Variants in MLXIP observed in about 807,000 individuals in gnomAD.
MLXIP encodes MLX interacting protein, also known as MLX-interacting protein.
MLXIP carries 30 observed loss-of-function variants against 87.2 expected under a neutral mutation model. The ratio of observed to expected loss-of-function variants is 0.34; its 90% confidence interval spans 0.26 to 0.47. The LOEUF is 0.47. Among genes scored for constraint, MLXIP ranks in the 20% least tolerant of loss-of-function variants. The probability of loss-of-function intolerance (pLI) is 1.00; values close to 1 mark genes in which losing one functional copy is unlikely to be tolerated. For synonymous variants in MLXIP, 530 were observed against 514.0 expected, an observed-to-expected ratio of 1.03 and a Z score of -0.42; for missense variants, 1,002 against 1,240.1, an observed-to-expected ratio of 0.81 and a Z score of 2.88.
At chr12:122,129,556 G>T in intron 4 of MLXIP, 32 bp from the exon 5 acceptor site, 1 of 1,611,866 alleles carries the variant, frequency 6.2e-7, no homozygotes, top group Non-Finnish European at 8.5e-7. Flanking sequence ...AGGGCCATTG[G>T]TGACCGCCGT....
intron 1 of MLXIP, among the ~76,000 whole-genome samples, chr12:122,092,008 G>A (rs1952251812): frequency 1.3e-5 from 2 of 152,106 alleles, no homozygotes; most frequent in Non-Finnish European, 2.9e-5. Context: ...CGATGAAGGC[G>A]GTGTGCTGTT....
In MLXIP at chr12:122,135,436, C is replaced by G; in HGVS notation, c.1855-53C>G. ...CCCTCACCTGAGACGACTGGTGTGC[C>G]GCCCTGCTGTATATCAGCAGTCAGG... On this transcript the variant is annotated intron_variant, in intron 10 of 16. Coordinates refer to ENST00000319080, the MANE Select transcript of MLXIP (RefSeq NM_014938.6). The surrounding 1 kb of genome is among the most constrained non-coding windows in gnomAD (Gnocchi z 5.3). 1 of 1,605,130 alleles carries G rather than the reference C, an allele frequency of 6.2e-7. No individual in the cohort carries two copies. Among genetic ancestry groups the G allele is most frequent in the Admixed American group, 1.7e-5 (1 of 59,232 alleles).
At position 122,130,239 on chromosome 12, in the gene MLXIP, T is replaced by G. The variant is rs184156354; in HGVS notation, c.910+127T>G. The G allele has an allele frequency of 3.0e-3, 2,965 of 987,490 alleles. 21 individuals carry two copies. Among genetic ancestry groups the G allele is most frequent in the African/African-American group, 0.018 (1,080 of 60,968 alleles). The allele number at this position is 987,490 out of a possible 1,614,324, so 61.2% of individuals were successfully genotyped here. On this transcript the variant is annotated intron_variant, in intron 6 of 16. Coordinates refer to ENST00000319080, the MANE Select transcript of MLXIP (RefSeq NM_014938.6). The stretch of plus-strand genomic sequence containing the variant: ...GCACGTCACGGTTGGGGGCAGGCAG[T>G]AAGGAAGGGAAGGATGGCTGGCCTC...
intron 1 of MLXIP, among the ~76,000 whole-genome samples, chr12:122,083,168 G>T (rs1446708794): frequency 6.6e-6 from 1 of 152,102 alleles, no homozygotes; most frequent in African/African-American, 2.4e-5. Context: ...TTTGTGGTTG[G>T]TTTTGGTTCC....
chr12:122,113,445 T>C (rs1421669797), intron 1 of MLXIP, among the ~76,000 whole-genome samples: 3 of 152,000 alleles, frequency 2.0e-5, no homozygotes, highest in Admixed American at 2.0e-4. Context: ...TTTTTGTATC[T>C]TTTGTAGAGA....
intron 16 of MLXIP, among the ~76,000 whole-genome samples, chr12:122,141,340 G>A (rs1408582840): frequency 6.6e-6 from 1 of 152,216 alleles, no homozygotes; most frequent in Non-Finnish European, 1.5e-5. Context: ...CCCTGTATCA[G>A]GTGCCTTCAG....
chr12:122,145,839 C>T lies in MLXIP; in HGVS notation c.*4027C>T, dbSNP rs1953291537. 6.6e-6 allele frequency: 1 copy of T among 152,304 alleles called. No individual in the cohort carries two copies. Among genetic ancestry groups the T allele is most frequent in the Admixed American group, 6.5e-5 (1 of 15,268 alleles). 9.4% of individuals were successfully genotyped at this position (152,304 alleles called of 1,614,324 possible). A position where few individuals can be genotyped will look rare whatever the true frequency, so the allele number is the denominator to read the frequency against. On this transcript the variant is annotated 3_prime_UTR_variant, in exon 17 of 17. Transcript: ENST00000319080. ...ACCTTGCTTTGGTCCAGCTCTTTTC[C>T]TTACCCTGGCTCTGACGTGGGAAGG...
chr12:122,127,151 TG>T, intron 1 of MLXIP, 104 bp from the exon 2 acceptor site: 1 of 859,620 alleles, frequency 1.2e-6, no homozygotes, highest in Non-Finnish European at 1.9e-6. Context: ...TGGCTGGGGG[TG>T]GATCAGTCAA....
At chr12:122,138,618 G>T in intron 14 of MLXIP, 67 bp downstream of exon 14, 1 of 1,553,092 alleles carries the variant, frequency 6.4e-7, no homozygotes. Flanking sequence ...CCTCAGAGGT[G>T]GTGGGACCCT....
intron 1 of MLXIP, among the ~76,000 whole-genome samples, chr12:122,081,025 CACTCTTGTTTGGATA>C (rs961023785): frequency 2.6e-4 from 31 of 117,518 alleles, no homozygotes; most frequent in Admixed American, 6.5e-4. Context: ...CTCCCCTTTG[CACTCTTGTTTGGATA>C]ACCTAAAGGC....
chr12:122,135,713 A>T lies in MLXIP; in HGVS notation c.2032+47A>T. ...TGGTTGGGGCATCGCAAGGGAAGTA[A>T]CTGGGCCTGCCGTAGACCATGGGGG... On this transcript the variant is annotated intron_variant, in intron 11 of 16. Coordinates refer to ENST00000319080, the MANE Select transcript of MLXIP (RefSeq NM_014938.6). The surrounding 1 kb of genome is among the most constrained non-coding windows in gnomAD (Gnocchi z 5.3). The T allele has an allele frequency of 6.9e-7, 1 of 1,451,968 alleles. No homozygotes were observed. The allele number at this position is 1,451,968 out of a possible 1,614,324, so 89.9% of individuals were successfully genotyped here.
In MLXIP at chr12:122,138,687, C is replaced by G. The variant is rs1230917525; in HGVS notation, c.2385-128C>G. On this transcript the variant is annotated intron_variant, in intron 14 of 16. Transcript: ENST00000319080. ...CAGTAGTTCTGCTCTTTGTCAACCT[C>G]CTTCCACAGACCTCTCTTCTCTGTG... The G allele has an allele frequency of 8.0e-6, 12 of 1,495,828 alleles. No homozygotes were observed. The Admixed American group carries it at 2.6e-4, about 33-fold the overall frequency. 92.7% of individuals were successfully genotyped at this position (1,495,828 alleles called of 1,614,324 possible).
intron 1 of MLXIP, among the ~76,000 whole-genome samples, chr12:122,103,191 GTATGTATGTATTTATT>G (rs1353246499): frequency 2.1e-4 from 13 of 63,328 alleles, no homozygotes; most frequent in South Asian, 1.4e-3. Flanking sequence ...ATGTATGTAT[GTATGTATGTATTTATT>G]TATTTATTTA....
rs1391836707 is a variant in MLXIP, at chr12:122,137,564, G to A, written c.2128G>A (p.Asp710Asn). Residue 710 changes from aspartate (D) to asparagine (N), a missense_variant, in exon 12 of 17, where the codon GAC becomes AAC. Asp to Asn is a conservative substitution (Grantham distance 23). Transcript: ENST00000319080. This position sits in a 1 kb window ranked among gnomAD's most constrained non-coding sequence, Gnocchi z 4.1. ...SPQNNCSGKS[D>N]PKNVAALKNR... ...CCAGAACAACTGCTCAGGGAAATCC[G>A]ACCCCAAAAATGTGGCTGCACTAAA... 9.9e-6 allele frequency: 16 copies of A among 1,613,850 alleles called. No homozygotes were observed. Among genetic ancestry groups the A allele is most frequent in the African/African-American group, 4.0e-5 (3 of 74,950 alleles).
intron 1 of MLXIP, among the ~76,000 whole-genome samples, chr12:122,090,270 C>T (rs2135903245): frequency 6.6e-6 from 1 of 152,172 alleles, no homozygotes; most frequent in South Asian, 2.1e-4. Flanking sequence ...CCGAGGCAGG[C>T]AGATCATTTG....
intron 1 of MLXIP, among the ~76,000 whole-genome samples, chr12:122,106,595 C>CTTTTTTT (rs1162475087): frequency 1.6e-4 from 10 of 62,882 alleles, no homozygotes; most frequent in Non-Finnish European, 2.9e-4. Context: ...ATCGCAGGTT[C>CTTTTTTT]TTTTTTTTTT....
intron 9 of MLXIP, chr12:122,134,915 C>G (rs1953057426): frequency 5.6e-6 from 2 of 359,878 alleles, no homozygotes. Flanking sequence ...CTCTGGTGAT[C>G]CACCTGCCTC....
intron 1 of MLXIP, among the ~76,000 whole-genome samples, chr12:122,103,710 T>TTG (rs1476614487): frequency 1.3e-5 from 2 of 150,610 alleles, no homozygotes; most frequent in African/African-American, 4.9e-5. Context: ...TTTTTTTTTT[T>TTG]AGTAGAGACA....
chr12:122,085,371 G>C (rs1369526465), intron 1 of MLXIP, among the ~76,000 whole-genome samples: 1 of 151,994 alleles, frequency 6.6e-6, no homozygotes, highest in Admixed American at 6.6e-5. Context: ...GGGACACTCA[G>C]GGACCTGGAA....
Sources: allele counts gnomAD v4.1 joint callset (sites outside exome capture counted in the v4.1 genomes callset), GRCh38; gene constraint gnomAD v4.1.1; non-coding constraint Gnocchi (gnomAD v3.1); transcripts MANE v1.5; gene names NCBI Gene and HGNC (gene_info 2026-07-23, HGNC 2026-07-21).